The following RAB10 variants were observed in gnomAD, a reference collection of about 807,000 sequenced individuals.
The protein encoded by RAB10 is RAB10, member RAS oncogene family.
Under a neutral mutation model 25.7 loss-of-function variants are expected in RAB10, and 5 were observed. The observed-to-expected ratio is 0.19, with a 90% CI of 0.10 to 0.41. RAB10 has a LOEUF of 0.41. RAB10 is among the 10% of genes least tolerant of loss of function. The pLI is 1.00. For missense variants in RAB10, 103 were observed against 245.8 expected (o/e 0.42, Z 3.89); for synonymous variants, 89 against 86.4 (o/e 1.03, Z -0.16).
rs765743060 is a variant in RAB10 at position 26,109,900 on chromosome 2, A to C, written c.321A>C (p.Ile107=). ...FENISKWLRN[I]DEHANEDVER... ...ACATCAGCAAATGGCTTAGAAACAT[A>C]GATGAGGTAAGACCTAGAACTTGTA... The change falls in exon 3 of 6, where the codon ATA becomes ATC. Residue 107 remains isoleucine, a synonymous_variant. Transcript: ENST00000264710. The C allele has an allele frequency of 3.1e-6, 5 of 1,604,644 alleles. No individual in the cohort carries two copies. Among genetic ancestry groups the C allele is most frequent in the Non-Finnish European group, 4.3e-6 (5 of 1,176,200 alleles).
intron 1 of RAB10, among the ~76,000 whole-genome samples, chr2:26,075,946 G>A (rs941774310): frequency 6.6e-6 from 1 of 152,106 alleles, no homozygotes; most frequent in African/African-American, 2.4e-5. Flanking sequence ...TGGTGTTTGG[G>A]ATACAGTTTG....
intron 2 of RAB10, among the ~76,000 whole-genome samples, chr2:26,103,612 A>G (rs974516778): frequency 2.0e-5 from 3 of 152,200 alleles, no homozygotes; most frequent in Non-Finnish European, 2.9e-5. Flanking sequence ...TAATTCACAT[A>G]CCATACAATA....
At chr2:26,116,628 C>T (rs1001788055) in intron 3 of RAB10, among the ~76,000 whole-genome samples, 1 of 143,514 alleles carries the variant, frequency 7.0e-6, no homozygotes, top group Non-Finnish European at 1.5e-5. Flanking sequence ...GCTGTCTCAG[C>T]TCACTGCAAG....
chr2:26,098,431 G>A (rs576927220), intron 1 of RAB10: 3 of 453,394 alleles, frequency 6.6e-6, no homozygotes, highest in South Asian at 2.4e-5. Flanking sequence ...GAGCCACCAT[G>A]CCCAGCCCAA....
chr2:26,105,474 G>A (rs966533841), intron 2 of RAB10, among the ~76,000 whole-genome samples: 4 of 152,000 alleles, frequency 2.6e-5, no homozygotes, highest in Admixed American at 2.0e-4. Context: ...AACATACATA[G>A]TGAAACCCCA....
chr2:26,079,324 A>ACACACACACACACACAC (rs1553726198), intron 1 of RAB10, among the ~76,000 whole-genome samples: 5 of 92,592 alleles, frequency 5.4e-5, no homozygotes, highest in African/African-American at 1.6e-4. Context: ...CACACACACA[A>ACACACACACACACACAC]ACACACACAC....
intron 1 of RAB10, among the ~76,000 whole-genome samples, chr2:26,071,688 CAAA>C (rs70950164): frequency 1.2e-3 from 169 of 144,502 alleles, no homozygotes; most frequent in African/African-American, 1.2e-3. Flanking sequence ...GACTTCATCT[CAAA>C]AAAAAAAAAA....
chr2:26,042,179 G>A (rs1431399611), intron 1 of RAB10, among the ~76,000 whole-genome samples: 6 of 152,090 alleles, frequency 3.9e-5, no homozygotes, highest in Non-Finnish European at 7.4e-5. Context: ...TTTTTAACAG[G>A]GAATATTTTT....
chr2:26,063,004 G>C lies in RAB10; in HGVS notation c.127+28269G>C, dbSNP rs535909196. Reference sequence around the variant, plus strand: ...GTGGCAGGCGCCTATAATCCCGGCTGCTCGGGAGGCTGAGGCAGGAGGATG... The same window carrying C: ...GTGGCAGGCGCCTATAATCCCGGCTCCTCGGGAGGCTGAGGCAGGAGGATG... On this transcript the variant is annotated intron_variant, in intron 1 of 5. Coordinates refer to ENST00000264710, the MANE Select transcript of RAB10 (RefSeq NM_016131.5). Among the ~76,000 whole-genome samples, 66 of 151,054 alleles carry C rather than the reference G, an allele frequency of 4.4e-4. No homozygotes were observed. In the South Asian group the frequency reaches 0.013, roughly 30 times the overall value.
intron 1 of RAB10, among the ~76,000 whole-genome samples, chr2:26,036,969 T>G (rs186803813): frequency 7.0e-4 from 107 of 151,932 alleles, no homozygotes; most frequent in African/African-American, 2.4e-3. Flanking sequence ...GTATTTTTAG[T>G]AGAGATGGTT....
At chr2:26,072,887 T>C (rs1666658052) in intron 1 of RAB10, among the ~76,000 whole-genome samples, 1 of 152,234 alleles carries the variant, frequency 6.6e-6, no homozygotes, top group Non-Finnish European at 1.5e-5. Context: ...TTAAATTGTT[T>C]TCTTAGTTTT....
intron 1 of RAB10, among the ~76,000 whole-genome samples, chr2:26,077,377 T>G (rs1471490342): frequency 6.6e-6 from 1 of 152,242 alleles, no homozygotes; most frequent in Non-Finnish European, 1.5e-5. Context: ...GTTGCTTCTC[T>G]TGCTTTTGTA....
intron 3 of RAB10, among the ~76,000 whole-genome samples, chr2:26,117,480 TG>T (rs975297071): frequency 6.6e-6 from 1 of 151,946 alleles, no homozygotes; most frequent in Non-Finnish European, 1.5e-5. Flanking sequence ...CCGGGCATGG[TG>T]GCGGGTGCCT....
At chr2:26,046,170 C>A (rs1011804340) in intron 1 of RAB10, among the ~76,000 whole-genome samples, 2 of 152,036 alleles carry the variant, frequency 1.3e-5, no homozygotes, top group East Asian at 1.9e-4. Context: ...ACTAAAAATA[C>A]AAAAATTAGC....
At chr2:26,073,688 T>G (rs373675517) in intron 1 of RAB10, among the ~76,000 whole-genome samples, 137 of 152,348 alleles carry the variant, frequency 9.0e-4, no homozygotes, top group African/African-American at 2.9e-3. Flanking sequence ...TACAGTCAGC[T>G]ATGAACACTG....
At chr2:26,100,159 A>G (rs987441861) in intron 2 of RAB10, among the ~76,000 whole-genome samples, 2 of 152,208 alleles carry the variant, frequency 1.3e-5, no homozygotes, top group Admixed American at 6.5e-5. Context: ...TTAGGTTTGC[A>G]TACACACATA....
At chr2:26,103,915 C>T (rs987095329) in intron 2 of RAB10, among the ~76,000 whole-genome samples, 1 of 151,974 alleles carries the variant, frequency 6.6e-6, no homozygotes, top group Non-Finnish European at 1.5e-5. Context: ...ATCAGTACTT[C>T]ATTCTTTTTT....
intron 1 of RAB10, among the ~76,000 whole-genome samples, chr2:26,066,295 TAGA>T (rs950100296): frequency 8.5e-5 from 13 of 152,240 alleles, no homozygotes; most frequent in Middle Eastern, 3.2e-3. Context: ...AAGATTAATT[TAGA>T]AGAACAGTCA....
chr2:26,077,761 C>T (rs558189716), intron 1 of RAB10, among the ~76,000 whole-genome samples: 31 of 152,186 alleles, frequency 2.0e-4, no homozygotes, highest in African/African-American at 7.2e-4. Context: ...GGGCGGATCA[C>T]GAGGTCAGGA....
Sources: gnomAD v4.1 joint callset for allele counts (sites outside exome capture counted in the v4.1 genomes callset) on GRCh38, gnomAD v4.1.1 for gene constraint, MANE v1.5 for transcripts, NCBI Gene and HGNC (gene_info 2026-07-23, HGNC 2026-07-21) for gene names.